DGLUCY: variants seen among roughly 807,000 people sequenced by gnomAD.
The protein encoded by DGLUCY is D-glutamate cyclase, also known as D-glutamate cyclase, mitochondrial.
Under a neutral mutation model 58.5 loss-of-function variants are expected in DGLUCY, and 58 were observed. That is an observed-to-expected ratio of 0.99 (90% confidence interval 0.80 to 1.23). The LOEUF (loss-of-function observed/expected upper bound fraction) is 1.23. Among genes scored for constraint, DGLUCY ranks in the 50% most tolerant of loss-of-function variants. DGLUCY has a pLI of 0.00. For synonymous variants in DGLUCY, 325 were observed against 314.1 expected (o/e 1.03, Z -0.37); for missense variants, 779 against 784.7 (o/e 0.99, Z 0.09).
chr14:91,107,094 A>G (rs1200049977), upstream of DGLUCY, among the ~76,000 whole-genome samples: 1 of 152,194 alleles, frequency 6.6e-6, no homozygotes, highest in African/African-American at 2.4e-5. Context: ...AAATGTCCAT[A>G]GCATCAATTT....
intron 4 of DGLUCY, among the ~76,000 whole-genome samples, chr14:91,168,904 C>G (rs1022178217): frequency 6.6e-6 from 1 of 152,024 alleles, no homozygotes; most frequent in Non-Finnish European, 1.5e-5. Flanking sequence ...CTGGCCAACG[C>G]GGTGAAACGC....
intron 1 of DGLUCY, among the ~76,000 whole-genome samples, chr14:91,072,106 T>G (rs2043931572): frequency 6.6e-6 from 1 of 152,064 alleles, no homozygotes; most frequent in Non-Finnish European, 1.5e-5. Context: ...GAGGATCGCT[T>G]GAGCCCACGA....
At chr14:91,197,019 T>G (rs1027436055) in intron 10 of DGLUCY, among the ~76,000 whole-genome samples, 6 of 152,134 alleles carry the variant, frequency 3.9e-5, no homozygotes, top group Non-Finnish European at 7.4e-5. Flanking sequence ...TAGGCTGGGG[T>G]GCAGTGGCGC....
At chr14:91,147,183 C>T (rs1028740408) in intron 1 of DGLUCY, among the ~76,000 whole-genome samples, 1 of 152,180 alleles carries the variant, frequency 6.6e-6, no homozygotes, top group Non-Finnish European at 1.5e-5. Context: ...AGTAGCACTG[C>T]CAGCATTCCT....
intron 1 of DGLUCY, among the ~76,000 whole-genome samples, chr14:91,071,965 G>A (rs565320358): frequency 2.6e-5 from 4 of 152,062 alleles, no homozygotes; most frequent in African/African-American, 9.6e-5. Context: ...GGAAAGGGCA[G>A]TTGGAAGATT....
At chr14:91,071,103 C>T (rs1400421767) in intron 1 of DGLUCY, among the ~76,000 whole-genome samples, 1 of 151,854 alleles carries the variant, frequency 6.6e-6, no homozygotes, top group East Asian at 1.9e-4. Flanking sequence ...GAGGCTGAGG[C>T]TGGCAGATCA....
At chr14:91,141,174 C>G (rs2046647448) in intron 1 of DGLUCY, among the ~76,000 whole-genome samples, 1 of 151,830 alleles carries the variant, frequency 6.6e-6, no homozygotes, top group South Asian at 2.1e-4. Context: ...TCACTTGAGG[C>G]CAGGAGTTCA....
chr14:91,200,424 A>G (rs1049487636), intron 11 of DGLUCY, among the ~76,000 whole-genome samples: 2 of 152,164 alleles, frequency 1.3e-5, no homozygotes, highest in African/African-American at 4.8e-5. Context: ...AGCATATTCT[A>G]TTTGCCTGAC....
chr14:91,120,735 C>T (rs967851541), intron 1 of DGLUCY, among the ~76,000 whole-genome samples: 22 of 152,134 alleles, frequency 1.4e-4, no homozygotes, highest in African/African-American at 5.1e-4. Flanking sequence ...TGATTCCTTT[C>T]TTTCGTTGCA....
intron 11 of DGLUCY, among the ~76,000 whole-genome samples, chr14:91,203,840 G>A (rs1469885392): frequency 6.6e-6 from 1 of 152,078 alleles, no homozygotes; most frequent in Non-Finnish European, 1.5e-5. Context: ...CCATGTCTGG[G>A]TAATTTTTGT....
chr14:91,087,312 ACCC>A, intron 1 of DGLUCY, among the ~76,000 whole-genome samples: 1 of 151,270 alleles, frequency 6.6e-6, no homozygotes, highest in East Asian at 1.9e-4. Context: ...GCCCTACAGA[ACCC>A]CCCCTGTCTG....
intron 3 of DGLUCY, among the ~76,000 whole-genome samples, chr14:91,166,694 G>C (rs2048304334): frequency 6.6e-6 from 1 of 151,980 alleles, no homozygotes; most frequent in East Asian, 1.9e-4. Flanking sequence ...TAGAAGTTGG[G>C]TATGGTAGTG....
At chr14:91,172,022 T>C (rs1248177417) in intron 5 of DGLUCY, among the ~76,000 whole-genome samples, 1 of 152,160 alleles carries the variant, frequency 6.6e-6, no homozygotes, top group Non-Finnish European at 1.5e-5. Context: ...GGAAAAAAAG[T>C]ACGTTTTTCT....
chr14:91,199,182 C>A (rs894799839), intron 10 of DGLUCY, among the ~76,000 whole-genome samples: 1 of 152,060 alleles, frequency 6.6e-6, no homozygotes, highest in Admixed American at 6.6e-5. Context: ...TTCCCATCCC[C>A]ATAGCAACCC....
chr14:91,198,118 C>T (rs1025357563), intron 10 of DGLUCY, among the ~76,000 whole-genome samples: 1 of 152,232 alleles, frequency 6.6e-6, no homozygotes, highest in Admixed American at 6.5e-5. Flanking sequence ...TCTTGGCTCA[C>T]TGCAGCCTCT....
At chr14:91,152,215 C>A (rs1232613640) in intron 1 of DGLUCY, among the ~76,000 whole-genome samples, 2 of 151,992 alleles carry the variant, frequency 1.3e-5, no homozygotes, top group Non-Finnish European at 2.9e-5. Flanking sequence ...CATAGTGAGA[C>A]CCCCATCTTT....
At chr14:91,122,105 T>TC (rs954987727) in intron 1 of DGLUCY, among the ~76,000 whole-genome samples, 4 of 152,122 alleles carry the variant, frequency 2.6e-5, no homozygotes, top group African/African-American at 4.8e-5. Context: ...TCTTTTTTTT[T>TC]TCTCTTAGAA....
chr14:91,109,860 T>C (rs2044663992), upstream of DGLUCY, among the ~76,000 whole-genome samples: 1 of 152,200 alleles, frequency 6.6e-6, no homozygotes, highest in Non-Finnish European at 1.5e-5. Flanking sequence ...ATATTCCCCA[T>C]TGTCAGAGCC....
intron 13 of DGLUCY, among the ~76,000 whole-genome samples, chr14:91,218,557 C>G (rs1351505882): frequency 6.6e-6 from 1 of 152,004 alleles, no homozygotes; most frequent in Non-Finnish European, 1.5e-5. Flanking sequence ...CGCGCACCAC[C>G]ACACCCGGCT....
Sources: allele counts gnomAD v4.1 joint callset (sites outside exome capture counted in the v4.1 genomes callset), GRCh38; gene constraint gnomAD v4.1.1; transcripts MANE v1.5; gene names NCBI Gene and HGNC (gene_info 2026-07-23, HGNC 2026-07-21).